CLCNKA: variants seen among roughly 807,000 people sequenced by gnomAD.
CLCNKA encodes the protein chloride channel protein ClC-Ka.
Under a neutral mutation model 83.3 loss-of-function variants are expected in CLCNKA, and 66 were observed. The ratio of observed to expected loss-of-function variants is 0.79; its 90% CI spans 0.65 to 0.97. CLCNKA has a LOEUF of 0.97. Among genes scored for constraint, CLCNKA ranks in the 50% least tolerant of loss-of-function variants. CLCNKA has a pLI of 0.00. For missense variants in CLCNKA, 806 were observed against 888.7 expected (o/e 0.91, Z 1.18); for synonymous variants, 357 against 370.4 (o/e 0.96, Z 0.42).
chr1:16,029,802 T>G lies in CLCNKA; in HGVS notation c.1297+2T>G. 1.2e-6 allele frequency: 2 copies of G among 1,614,046 alleles called. No homozygotes were observed. The highest frequency in any genetic ancestry group is 8.5e-7 in the Non-Finnish European group (1 of 1,179,972). On this transcript the variant is annotated splice_donor_variant, in intron 13 of 19. Transcript: ENST00000331433. LOFTEE classifies it high-confidence loss of function. ...ACTTCATGCCCATCTTTATCCTTGG[T>G]GAGTCTGGGGTCCTGAGGTTCTGAG...
intron 18 of CLCNKA, among the ~76,000 whole-genome samples, chr1:16,032,788 G>T (rs961856958): frequency 6.6e-6 from 1 of 152,228 alleles, no homozygotes; most frequent in African/African-American, 2.4e-5. Flanking sequence ...TTGCACCAAG[G>T]CACACGTGCG....
At chr1:16,033,127 G>A (rs1236244944) in intron 18 of CLCNKA, 43 bp from the exon 19 acceptor site, 2 of 1,600,348 alleles carry the variant, frequency 1.2e-6, no homozygotes, top group Non-Finnish European at 8.6e-7. Context: ...GGTGGGCTGG[G>A]CGCCATCTAC....
rs1270863269 is a variant in CLCNKA, at chr1:16,032,283, G to A, written c.1837G>A (p.Gly613Arg). ...LQAEPPSRAP[G>R]HQQCLQDILA... ...GGCTGAGCCTCCTTCCAGGGCTCCA[G>A]GACACCAGGTGGTTACTCCTGAGGG... Residue 613 changes from glycine (G) to arginine (R), a missense_variant, in exon 17 of 20, where the codon GGA (glycine) becomes AGA (arginine). Transcript: ENST00000331433. 6.2e-7 allele frequency: 1 copy of A among 1,605,240 alleles called. No individual in the cohort carries two copies. The highest frequency in any genetic ancestry group is 1.3e-5 in the African/African-American group (1 of 74,714).
At chr1:16,022,994 A>G (rs1362215197) in intron 2 of CLCNKA, among the ~76,000 whole-genome samples, 2 of 152,134 alleles carry the variant, frequency 1.3e-5, no homozygotes, top group Non-Finnish European at 2.9e-5. Context: ...TCCCTCACCT[A>G]CCTGTGCCAA....
Position 16,029,185 on chromosome 1 carries a change from C to A in CLCNKA, c.1113C>A (p.Thr371=). 6.2e-7 allele frequency: 1 copy of A among 1,613,198 alleles called. No individual in the cohort carries two copies. Among genetic ancestry groups the A allele is most frequent in the Non-Finnish European group, 8.5e-7 (1 of 1,179,866 alleles). ...LFDNHSWALM[T]QNSSPPWPEE... is the part of the protein sequence containing the mutation. Reference sequence around the variant, plus strand: ...ACAACCACTCCTGGGCGCTGATGACCCAGAACTCCAGCCCACCCTGGCCCG... The same window carrying A: ...ACAACCACTCCTGGGCGCTGATGACACAGAACTCCAGCCCACCCTGGCCCG... The change falls in exon 12 of 20, where the codon ACC becomes ACA. Residue 371 remains threonine, a synonymous_variant. Transcript: ENST00000331433.
At chr1:16,024,605 C>T (rs2022271074) in intron 3 of CLCNKA, among the ~76,000 whole-genome samples, 158 bp from the exon 4 acceptor site, 2 of 152,122 alleles carry the variant, frequency 1.3e-5, no homozygotes. Context: ...GACCCAGGGT[C>T]GTACTCCTGC....
At chr1:16,031,152 G>C (rs139454594) in intron 15 of CLCNKA, among the ~76,000 whole-genome samples, 2 of 152,314 alleles carry the variant, frequency 1.3e-5, no homozygotes, top group East Asian at 3.9e-4. Flanking sequence ...CAGAAAAGCA[G>C]ACCAAAGAGG....
chr1:16,024,556 C>G (rs1303768667), intron 3 of CLCNKA, among the ~76,000 whole-genome samples: 1 of 152,128 alleles, frequency 6.6e-6, no homozygotes, highest in Non-Finnish European at 1.5e-5. Context: ...GTGGCTTGCC[C>G]AAGGTCACTC....
In CLCNKA at chr1:16,029,358, C is replaced by A. The variant is rs772561976; in HGVS notation, c.1227+59C>A. On this transcript the variant is annotated intron_variant, in intron 12 of 19. Coordinates refer to ENST00000331433, the MANE Select transcript of CLCNKA (RefSeq NM_004070.4). ...CAGGACCAGCTCTGGTGGGGAGGGG[C>A]GGGGGTGCCTCCCTGCACCTGGTGG... 1.9e-6 allele frequency: 3 copies of A among 1,611,238 alleles called. No individual in the cohort carries two copies. In the African/African-American group the frequency reaches 4.0e-5, roughly 22 times the overall value.
At position 16,026,156 on chromosome 1, in the gene CLCNKA, A is replaced by G. The variant is rs1267374061; in HGVS notation, c.407A>G (p.Glu136Gly). ...LKTMLAGVILEDYLDIKNFGA... is the reference protein window; with the variant it reads ...LKTMLAGVILGDYLDIKNFGA... ...ACCATGTTGGCGGGTGTGATCTTGG[A>G]GGACTACCTGGATATCAAGAACTTT... Residue 136 changes from glutamate to glycine, a missense_variant, in exon 5 of 20, where the codon GAG (glutamate) becomes GGG (glycine). Glu to Gly is a moderately conservative substitution (Grantham distance 98). Transcript: ENST00000331433. 3 of 1,613,260 alleles carry G rather than the reference A, an allele frequency of 1.9e-6. No homozygotes were observed. Among genetic ancestry groups the G allele is most frequent in the East Asian group, 2.2e-5 (1 of 44,880 alleles).
chr1:16,032,362 T>C, intron 17 of CLCNKA, 71 bp downstream of exon 17: 1 of 1,544,678 alleles, frequency 6.5e-7, no homozygotes, highest in East Asian at 2.2e-5. Context: ...AGGGACCCGC[T>C]GATCTCCTGA....
chr1:16,024,919 C>T, intron 4 of CLCNKA, 28 bp downstream of exon 4: 2 of 1,613,782 alleles, frequency 1.2e-6, no homozygotes, highest in Non-Finnish European at 1.7e-6. Context: ...ATGCCAGTCC[C>T]CAGTGCCAAA....
Position 16,026,006 on chromosome 1 carries a change from G to A in CLCNKA, c.359-102G>A, listed in dbSNP as rs1313264573. On this transcript the variant is annotated intron_variant, in intron 4 of 19. Transcript: ENST00000331433. ...CCTGACCTCGCGATCCGCCTGCCTCGGCCTCCCAAAGTGCTGGGATTACAG... is the reference window on the plus strand; with the variant it reads ...CCTGACCTCGCGATCCGCCTGCCTCAGCCTCCCAAAGTGCTGGGATTACAG... 34 of 1,507,928 alleles carry A rather than the reference G, an allele frequency of 2.3e-5. No individual in the cohort carries two copies. In the Middle Eastern group the frequency reaches 9.4e-4, roughly 42 times the overall value. The allele number at this position is 1,507,928 out of a possible 1,614,324, so 93.4% of individuals were successfully genotyped here.
intron 7 of CLCNKA, 87 bp from the exon 8 acceptor site, chr1:16,027,223 T>C (rs1301221978): frequency 1.3e-6 from 2 of 1,575,854 alleles, no homozygotes; most frequent in Non-Finnish European, 1.7e-6. Flanking sequence ...GACAGATGGC[T>C]CAGGGAGGAG....
chr1:16,026,023 G>A (rs1570298936), intron 4 of CLCNKA, 85 bp from the exon 5 acceptor site: 2 of 1,585,484 alleles, frequency 1.3e-6, no homozygotes, highest in Non-Finnish European at 1.7e-6. Context: ...CAAAGTGCTG[G>A]GATTACAGGC....
At chr1:16,029,085 G>T (rs747146696) in intron 11 of CLCNKA, 41 bp from the exon 12 acceptor site, 8 of 1,348,284 alleles carry the variant, frequency 5.9e-6, no homozygotes, top group Admixed American at 1.8e-5. Context: ...CTGCCGCTGG[G>T]GGGGGCCCCT....
Position 16,032,197 on chromosome 1 carries a change from T to C in CLCNKA, c.1757-6T>C. 1.2e-6 allele frequency: 2 copies of C among 1,611,780 alleles called. No individual in the cohort carries two copies. The highest frequency in any genetic ancestry group is 1.7e-6 in the Non-Finnish European group (2 of 1,179,102). On this transcript the variant is annotated splice_polypyrimidine_tract_variant and splice_region_variant and intron_variant, in intron 16 of 19. Transcript: ENST00000331433. ...ACCTCCCTCCCTCTCCCTCTCTACT[T>C]GCCAGAGTCCCAGATCCTGGTAGGC... is the stretch of plus-strand genomic sequence containing the variant.
At position 16,027,885 on chromosome 1, in the gene CLCNKA, C is replaced by A. The variant is rs1351279648; in HGVS notation, c.846C>A (p.Ile282=). 6.2e-7 allele frequency: 1 copy of A among 1,613,766 alleles called. No homozygotes were observed. The highest frequency in any genetic ancestry group is 8.5e-7 in the Non-Finnish European group (1 of 1,179,836). The change falls in exon 9 of 20, where the codon ATC becomes ATA. Residue 282 remains isoleucine, a synonymous_variant. Transcript: ENST00000331433. ...RVDVPFDLPE[I]FFFVALGGIC... ...ACGTTCCCTTCGACCTGCCTGAGAT[C>A]TTCTTTTTTGTGGCGCTGGGGTGAG...
rs778220973 is a variant in CLCNKA, at chr1:16,027,476, G to A, written c.781+41G>A. ...TGCCTGACCCTGGCCCTGCCTGGGG[G>A]CCGGGGCGAGGGAGACCTCCCTTCT... On this transcript the variant is annotated intron_variant, in intron 8 of 19. Transcript: ENST00000331433. 4.3e-6 allele frequency: 7 copies of A among 1,610,780 alleles called. No individual in the cohort carries two copies. In the South Asian group the frequency reaches 5.5e-5, roughly 13 times the overall value.
Sources: allele counts gnomAD v4.1 joint callset (sites outside exome capture counted in the v4.1 genomes callset), GRCh38; gene constraint gnomAD v4.1.1; transcripts MANE v1.5; gene names NCBI Gene and HGNC (gene_info 2026-07-23, HGNC 2026-07-21).